Variants in NRXN3 observed in about 807,000 individuals in gnomAD.
The protein encoded by NRXN3 is neurexin III.
Under a neutral mutation model 137.6 loss-of-function variants are expected in NRXN3, and 32 were observed. The observed-to-expected ratio is 0.23, with a 90% confidence interval of 0.18 to 0.31. The LOEUF (loss-of-function observed/expected upper bound fraction) is 0.31. Ranked by LOEUF, NRXN3 falls within the 10% of genes least tolerant of loss-of-function variation. The pLI, the probability that NRXN3 is intolerant of heterozygous loss-of-function variation, is 1.00. For synonymous variants in NRXN3, 798 were observed against 784.5 expected, an observed-to-expected ratio of 1.02 and a Z score of -0.29; for missense variants, 1,574 against 2,062.5, an observed-to-expected ratio of 0.76 and a Z score of 4.59.
At chr14:79,274,793 AT>A (rs755225387) in intron 15 of NRXN3, among the ~76,000 whole-genome samples, 2 of 152,042 alleles carry the variant, frequency 1.3e-5, no homozygotes, top group East Asian at 1.9e-4. Flanking sequence ...GATTAAAAAT[AT>A]TTTTTTTCCA....
chr14:79,177,515 C>T (rs1271744620), intron 15 of NRXN3, among the ~76,000 whole-genome samples: 2 of 152,120 alleles, frequency 1.3e-5, no homozygotes, highest in Non-Finnish European at 2.9e-5. Context: ...ATAAAATGCA[C>T]AAATTAATTT....
chr14:78,434,085 T>C (rs1227653612), intron 4 of NRXN3, among the ~76,000 whole-genome samples: 1 of 152,238 alleles, frequency 6.6e-6, no homozygotes, highest in African/African-American at 2.4e-5. Flanking sequence ...AGGCAAATCC[T>C]GTTTTACAGT....
intron 15 of NRXN3, among the ~76,000 whole-genome samples, chr14:79,376,262 A>G (rs1599388510): frequency 1.4e-5 from 1 of 70,602 alleles, no homozygotes. Flanking sequence ...ATATATATAT[A>G]TATACACATA....
At chr14:79,253,067 C>T (rs907963332) in intron 15 of NRXN3, among the ~76,000 whole-genome samples, 8 of 152,226 alleles carry the variant, frequency 5.3e-5, no homozygotes, top group African/African-American at 1.4e-4. Context: ...GACCAAGTAG[C>T]GTGACCTGGA....
At chr14:79,779,021 C>T (rs2099106014) in intron 19 of NRXN3, among the ~76,000 whole-genome samples, 2 of 152,232 alleles carry the variant, frequency 1.3e-5, no homozygotes, top group East Asian at 3.8e-4. Flanking sequence ...TCCTAAGTCT[C>T]TTGGCAGGAT....
chr14:79,733,790 G>C (rs550574875), intron 19 of NRXN3, among the ~76,000 whole-genome samples: 1 of 151,886 alleles, frequency 6.6e-6, no homozygotes, highest in Admixed American at 6.6e-5. Flanking sequence ...TATGCAAGAG[G>C]GTAGAAAAAA....
At chr14:79,486,566 G>T (rs1350833972) in intron 16 of NRXN3, among the ~76,000 whole-genome samples, 1 of 152,124 alleles carries the variant, frequency 6.6e-6, no homozygotes, top group Non-Finnish European at 1.5e-5. Flanking sequence ...CAGTATCAAT[G>T]GTTATGTACT....
intron 6 of NRXN3, among the ~76,000 whole-genome samples, chr14:78,675,253 T>G (rs2097989872): frequency 6.6e-6 from 1 of 152,096 alleles, no homozygotes; most frequent in Admixed American, 6.6e-5. Flanking sequence ...GAAGAGAATC[T>G]CCCACATGCA....
chr14:78,488,485 CT>C (rs1332902008), intron 4 of NRXN3, among the ~76,000 whole-genome samples: 2 of 152,068 alleles, frequency 1.3e-5, no homozygotes, highest in African/African-American at 4.8e-5. Flanking sequence ...TAGAAAGCTG[CT>C]TTTACATTAA....
chr14:78,639,026 C>G (rs1017648032), intron 4 of NRXN3, among the ~76,000 whole-genome samples: 2 of 152,332 alleles, frequency 1.3e-5, no homozygotes, highest in South Asian at 4.1e-4. Context: ...GACTTGAGAA[C>G]CTCCAACCTC....
intron 6 of NRXN3, among the ~76,000 whole-genome samples, chr14:78,696,517 A>G (rs1490952182): frequency 6.6e-6 from 1 of 152,078 alleles, no homozygotes; most frequent in Non-Finnish European, 1.5e-5. Context: ...TCTAGATCAC[A>G]CAGTAACAAG....
intron 15 of NRXN3, among the ~76,000 whole-genome samples, chr14:79,300,519 A>G (rs1443542064): frequency 1.3e-5 from 2 of 151,952 alleles, no homozygotes; most frequent in Non-Finnish European, 2.9e-5. Flanking sequence ...CATATCTGCC[A>G]GTTGGTTCTG....
intron 16 of NRXN3, among the ~76,000 whole-genome samples, chr14:79,511,368 G>A (rs1181374109): frequency 2.6e-5 from 4 of 152,200 alleles, no homozygotes; most frequent in Admixed American, 2.0e-4. Flanking sequence ...GGAAGGACAA[G>A]AGGGGAATTA....
chr14:79,051,190 G>A (rs1454170919), intron 15 of NRXN3, among the ~76,000 whole-genome samples: 4 of 151,126 alleles, frequency 2.6e-5, no homozygotes, highest in African/African-American at 9.8e-5. Context: ...CCTTTCTACA[G>A]GAAATGGGGT....
intron 15 of NRXN3, among the ~76,000 whole-genome samples, chr14:79,030,355 C>A (rs1439985967): frequency 6.6e-6 from 1 of 151,912 alleles, no homozygotes; most frequent in Non-Finnish European, 1.5e-5. Flanking sequence ...GTTGTTAAAC[C>A]ATTGATTCAG....
chr14:78,190,238 T>G (rs542491022), intron 1 of NRXN3, among the ~76,000 whole-genome samples: 3 of 152,354 alleles, frequency 2.0e-5, no homozygotes, highest in African/African-American at 7.2e-5. Flanking sequence ...CTCAGTTCCC[T>G]TTCAGGAACT....
intron 4 of NRXN3, among the ~76,000 whole-genome samples, chr14:78,368,451 C>G (rs2086315374): frequency 6.6e-6 from 1 of 152,204 alleles, no homozygotes; most frequent in Non-Finnish European, 1.5e-5. Flanking sequence ...CGGCTTACGC[C>G]TGTAATCCCA....
chr14:78,974,678 G>A (rs1442091887), intron 14 of NRXN3, among the ~76,000 whole-genome samples: 1 of 152,038 alleles, frequency 6.6e-6, no homozygotes, highest in South Asian at 2.1e-4. Flanking sequence ...TGTGGCAGGA[G>A]CTGCTTTTTT....
At chr14:79,172,755 T>C (rs2061914508) in intron 15 of NRXN3, among the ~76,000 whole-genome samples, 2 of 152,284 alleles carry the variant, frequency 1.3e-5, no homozygotes, top group South Asian at 4.1e-4. Context: ...AGAATAAATA[T>C]CTGAGGATAG....
Sources: gnomAD v4.1 joint callset for allele counts (sites outside exome capture counted in the v4.1 genomes callset) on GRCh38, gnomAD v4.1.1 for gene constraint, MANE v1.5 for transcripts, NCBI Gene and HGNC (gene_info 2026-07-23, HGNC 2026-07-21) for gene names.